Variants in ADGRF1 observed in about 807,000 individuals in gnomAD.
ADGRF1 encodes the protein adhesion G protein-coupled receptor F1, also known as G protein-coupled receptor 110.
In ADGRF1, 85 loss-of-function variants were observed where a neutral mutation model predicts 87.2. The observed-to-expected ratio is 0.97, with a 90% confidence interval of 0.82 to 1.17. ADGRF1 has a LOEUF of 1.17. Among genes scored for constraint, ADGRF1 ranks in the 50% most tolerant of loss-of-function variants. The pLI, the probability that ADGRF1 is intolerant of heterozygous loss-of-function variation, is 0.00. For missense variants in ADGRF1, 1,169 were observed against 1,077.2 expected (o/e 1.09, Z -1.19); for synonymous variants, 430 against 408.8 (o/e 1.05, Z -0.63).
Position 47,023,433 on chromosome 6 carries a change from G to A in ADGRF1, c.451+611C>T, listed in dbSNP as rs541361957. On this transcript the variant is annotated intron_variant, in intron 5 of 14. Coordinates refer to ENST00000371253, the MANE Select transcript of ADGRF1 (RefSeq NM_153840.4). ...GTTAACTGGAGTAATCATTGCAGGAGCTTAGTAAAGTCCTTTATGTCCTGG... is the reference window on the plus strand; with the variant it reads ...GTTAACTGGAGTAATCATTGCAGGAACTTAGTAAAGTCCTTTATGTCCTGG... 1.1e-4 allele frequency among the ~76,000 whole-genome samples: 17 copies of A among 152,310 alleles called. No individual in the cohort carries two copies. The South Asian group carries it at 3.5e-3, about 32-fold the overall frequency.
chr6:47,006,932 T>A (rs1011430764), intron 12 of ADGRF1, among the ~76,000 whole-genome samples: 1 of 152,216 alleles, frequency 6.6e-6, no homozygotes, highest in Admixed American at 6.5e-5. Context: ...CAAAAGAGAA[T>A]TCACCTGTTA....
intron 5 of ADGRF1, among the ~76,000 whole-genome samples, chr6:47,023,535 G>A (rs1382871309): frequency 6.6e-6 from 1 of 152,090 alleles, no homozygotes; most frequent in Admixed American, 6.6e-5. Flanking sequence ...AGCTTCCATT[G>A]GTTTCCTAAG....
rs1377704319 is a variant in ADGRF1 at position 47,009,687 on chromosome 6, G to A, written c.1748C>T (p.Pro583Leu). 4 of 1,614,032 alleles carry A rather than the reference G, an allele frequency of 2.5e-6. No individual in the cohort carries two copies. The highest frequency in any genetic ancestry group is 2.7e-5 in the African/African-American group (2 of 74,918). ...CACATAGGTGATCCATTTTACAACG[G>A]GGAAGATTGTAGAGGGGACAAAAGG... ...MSPFVPSTIF[P>L]VVKWITYVGL... Residue 583 changes from proline to leucine, a missense_variant, in exon 11 of 15, where the codon CCC becomes CTC. By Grantham distance (98) the Pro-to-Leu change is moderately conservative. Transcript: ENST00000371253.
intron 5 of ADGRF1, 24 bp downstream of exon 5, chr6:47,024,020 C>T: frequency 6.2e-7 from 1 of 1,606,296 alleles, no homozygotes; most frequent in Non-Finnish European, 8.5e-7. Flanking sequence ...GAAGCCCCAG[C>T]CCAGAGCATT....
Position 47,009,878 on chromosome 6 carries a change from GA to G in ADGRF1, c.1556del (p.Phe519SerfsTer7). 6.2e-7 allele frequency: 1 copy of G among 1,613,982 alleles called. No individual in the cohort carries two copies. Among genetic ancestry groups the G allele is most frequent in the Non-Finnish European group, 8.5e-7 (1 of 1,179,884 alleles). On this transcript the variant is annotated frameshift_variant, in exon 11 of 15. Coordinates refer to ENST00000371253, the MANE Select transcript of ADGRF1 (RefSeq NM_153840.4). LOFTEE classifies it high-confidence loss of function. ...VIQNYSINEVFLFFSKIESNL... is the reference protein window; with the variant it reads ...VIQNYSINEVXLFFSKIESNL... The stretch of plus-strand genomic sequence containing the variant: ...TTGACTCTATCTTGGAAAAAAATAG[GA>G]AAACTTCATTTATGGAATAGTTTTG...
chr6:47,013,376 G>A (rs2113885138), intron 9 of ADGRF1: 1 of 985,460 alleles, frequency 1.0e-6, no homozygotes, highest in East Asian at 1.1e-4. Context: ...TTACAGATGA[G>A]GAAACTGAGA....
chr6:47,013,758 G>C (rs1779777174), intron 9 of ADGRF1: 1 of 583,610 alleles, frequency 1.7e-6, no homozygotes, highest in East Asian at 1.4e-4. Context: ...ATTGGATCAT[G>C]GAGGTGGTTT....
At chr6:47,001,731 G>T in intron 13 of ADGRF1, 164 bp from the exon 14 acceptor site, 1 of 574,256 alleles carries the variant, frequency 1.7e-6, no homozygotes, top group Non-Finnish European at 3.0e-6. Context: ...TCTTTCTTCT[G>T]CTTTAATCTA....
intron 13 of ADGRF1, among the ~76,000 whole-genome samples, chr6:47,002,544 C>T (rs544791990): frequency 9.9e-5 from 15 of 152,184 alleles, no homozygotes; most frequent in Non-Finnish European, 2.1e-4. Context: ...CATCCTGTAC[C>T]ATTTGGAGAT....
Position 47,016,595 on chromosome 6 carries a change from G to A in ADGRF1, c.763+22C>T. The A allele has an allele frequency of 1.3e-6, 2 of 1,576,314 alleles. 1 individual carries two copies. The highest frequency in any genetic ancestry group is 2.3e-5 in the South Asian group (2 of 87,310). Reference sequence around the variant, plus strand: ...TTAAAGGACTCTCTTAACCTAAGCAGAGGATGGGAATCCAGCATTACCTTT... The same window carrying A: ...TTAAAGGACTCTCTTAACCTAAGCAAAGGATGGGAATCCAGCATTACCTTT... On this transcript the variant is annotated intron_variant, in intron 8 of 14. Coordinates refer to ENST00000371253, the MANE Select transcript of ADGRF1 (RefSeq NM_153840.4).
Position 47,010,457 on chromosome 6 carries a change from A to G in ADGRF1, c.1117-139T>C, listed in dbSNP as rs1033406708. 3.7e-5 allele frequency: 28 copies of G among 755,688 alleles called. No individual in the cohort carries two copies. In the African/African-American group the frequency reaches 4.2e-4, roughly 11 times the overall value. The allele number at this position is 755,688 out of a possible 1,614,324, so 46.8% of individuals were successfully genotyped here. ...TCACGAACCACATTAAAACTCATCAATCAAATTTAGCTCAGTTCATCTGTA... is the reference window on the plus strand; with the variant it reads ...TCACGAACCACATTAAAACTCATCAGTCAAATTTAGCTCAGTTCATCTGTA... On this transcript the variant is annotated intron_variant, in intron 10 of 14. Coordinates refer to ENST00000371253, the MANE Select transcript of ADGRF1 (RefSeq NM_153840.4).
In ADGRF1 at chr6:47,037,156, T is replaced by C. The variant is rs140199979; in HGVS notation, c.-44+5035A>G. Among the ~76,000 whole-genome samples the C allele has an allele frequency of 9.2e-5, 14 of 152,350 alleles. No individual in the cohort carries two copies. The East Asian group carries it at 2.7e-3, about 29-fold the overall frequency. On this transcript the variant is annotated intron_variant, in intron 1 of 14. Coordinates refer to ENST00000371253, the MANE Select transcript of ADGRF1 (RefSeq NM_153840.4). ...CATCACTCTATCCACAGTATCTTTT[T>C]AATGTTCCCAAATGGATAGGCAAAA... is the stretch of plus-strand genomic sequence containing the variant.
At chr6:47,041,456 C>T (rs819505) in intron 1 of ADGRF1, among the ~76,000 whole-genome samples, 30,450 of 152,032 alleles carry the variant, frequency 0.2, 3,749 homozygotes, top group East Asian at 0.47. Context: ...ATATCTCCTT[C>T]GGTATTTTTC....
Position 46,999,901 on chromosome 6 carries a change from G to T in ADGRF1, c.*321C>A. 1 of 184,470 alleles carries T rather than the reference G, an allele frequency of 5.4e-6. No individual in the cohort carries two copies. Among genetic ancestry groups the T allele is most frequent in the Non-Finnish European group, 1.1e-5 (1 of 88,926 alleles). 11.4% of individuals were successfully genotyped at this position (184,470 alleles called of 1,614,324 possible). A position where few individuals can be genotyped will look rare whatever the true frequency, so the allele number is the denominator to read the frequency against. ...TCCTTCAATCCAGATTATTGGAAATGCCATGTGAATAATGCTGTTTTATGA... is the reference window on the plus strand; with the variant it reads ...TCCTTCAATCCAGATTATTGGAAATTCCATGTGAATAATGCTGTTTTATGA... On this transcript the variant is annotated 3_prime_UTR_variant, in exon 15 of 15. Coordinates refer to ENST00000371253, the MANE Select transcript of ADGRF1 (RefSeq NM_153840.4).
intron 6 of ADGRF1, among the ~76,000 whole-genome samples, chr6:47,021,232 C>A (rs951159938): frequency 6.6e-6 from 1 of 152,222 alleles, no homozygotes; most frequent in Admixed American, 6.5e-5. Flanking sequence ...GGCAGAGGGA[C>A]ACTGATCTAG....
chr6:47,025,478 G>A (rs546340374), intron 4 of ADGRF1, among the ~76,000 whole-genome samples: 2 of 152,260 alleles, frequency 1.3e-5, no homozygotes, highest in South Asian at 4.2e-4. Context: ...ACACAGGATT[G>A]CATATCCTAG....
chr6:47,022,804 C>CTTTTTTTTTTTTTTT (rs11286179), intron 5 of ADGRF1, among the ~76,000 whole-genome samples: 10 of 119,266 alleles, frequency 8.4e-5, no homozygotes, highest in African/African-American at 1.4e-4. Flanking sequence ...TTTCTTTTTT[C>CTTTTTTTTTTTTTTT]TTTTTTTTTT....
intron 1 of ADGRF1, among the ~76,000 whole-genome samples, chr6:47,029,510 T>A (rs1030161810): frequency 5.3e-5 from 8 of 152,300 alleles, no homozygotes; most frequent in Non-Finnish European, 8.8e-5. Context: ...CAGGATATAA[T>A]TTGAGTGTTT....
rs754594062 is a variant in ADGRF1 at position 47,005,798 on chromosome 6, G to A, written c.2592+19C>T. 1 of 1,588,648 alleles carries A rather than the reference G, an allele frequency of 6.3e-7. No homozygotes were observed. Among genetic ancestry groups the A allele is most frequent in the African/African-American group, 1.3e-5 (1 of 74,372 alleles). On this transcript the variant is annotated intron_variant, in intron 13 of 14. Coordinates refer to ENST00000371253, the MANE Select transcript of ADGRF1 (RefSeq NM_153840.4). The stretch of plus-strand genomic sequence containing the variant: ...CTGGAACTTCATGTATTGGATTCAT[G>A]GCAGTAGGAGATAATTACCTTTTCT...
Sources: allele counts gnomAD v4.1 joint callset (sites outside exome capture counted in the v4.1 genomes callset), GRCh38; gene constraint gnomAD v4.1.1; transcripts MANE v1.5; gene names NCBI Gene and HGNC (gene_info 2026-07-23, HGNC 2026-07-21).